CEP170: variants seen among roughly 807,000 people sequenced by gnomAD.
CEP170 encodes the protein centrosomal protein 170.
CEP170 carries 21 observed loss-of-function variants against 151.9 expected under a neutral mutation model. The observed-to-expected ratio is 0.14, with a 90% CI of 0.10 to 0.20. CEP170 has a LOEUF of 0.20. Among genes scored for constraint, CEP170 ranks in the 10% least tolerant of loss-of-function variants. The probability of loss-of-function intolerance (pLI) is 1.00; values close to 1 mark genes in which losing one functional copy is unlikely to be tolerated. For synonymous variants in CEP170, 356 were observed against 648.8 expected (o/e 0.55, Z 6.86); for missense variants, 964 against 1,892.9 (o/e 0.51, Z 9.11).
chr1:243,227,206 G>A (rs1458767533), intron 1 of CEP170, among the ~76,000 whole-genome samples: 1 of 151,878 alleles, frequency 6.6e-6, no homozygotes, highest in African/African-American at 2.4e-5. Context: ...GCTCATGATG[G>A]CAGAATCAAG....
intron 7 of CEP170, among the ~76,000 whole-genome samples, chr1:243,195,774 G>T (rs992008609): frequency 2.6e-5 from 4 of 152,008 alleles, no homozygotes; most frequent in African/African-American, 9.7e-5. Flanking sequence ...TACAATTTCT[G>T]CTGGCTTCAT....
At chr1:243,233,526 G>A (rs565031135) in intron 1 of CEP170, among the ~76,000 whole-genome samples, 6 of 151,910 alleles carry the variant, frequency 3.9e-5, no homozygotes, top group African/African-American at 1.5e-4. Flanking sequence ...GAGGTCAGGA[G>A]ATCAAGACCA....
At chr1:243,178,706 G>A (rs947936503) in intron 10 of CEP170, among the ~76,000 whole-genome samples, 1 of 151,852 alleles carries the variant, frequency 6.6e-6, no homozygotes, top group African/African-American at 2.4e-5. Flanking sequence ...TCTTTAAATG[G>A]GACTCTATCT....
At chr1:243,170,826 A>C (rs1345154436) in intron 11 of CEP170, among the ~76,000 whole-genome samples, 2 of 152,198 alleles carry the variant, frequency 1.3e-5, no homozygotes, top group East Asian at 1.9e-4. Context: ...AGAGAATGAC[A>C]CACATACAGT....
intron 2 of CEP170, among the ~76,000 whole-genome samples, chr1:243,222,831 A>T (rs2062936623): frequency 6.6e-6 from 1 of 152,234 alleles, no homozygotes; most frequent in Non-Finnish European, 1.5e-5. Flanking sequence ...AAGCAAATAC[A>T]GAGAGAATCA....
intron 16 of CEP170, among the ~76,000 whole-genome samples, 171 bp downstream of exon 16, chr1:243,139,766 A>G (rs910762220): frequency 5.3e-5 from 8 of 152,256 alleles, no homozygotes; most frequent in Admixed American, 1.3e-4. Context: ...ATTTTCGCTA[A>G]CCTCTAAGTG....
intron 4 of CEP170, among the ~76,000 whole-genome samples, chr1:243,202,626 T>C (rs2061129298): frequency 6.6e-6 from 1 of 152,048 alleles, no homozygotes; most frequent in Non-Finnish European, 1.5e-5. Flanking sequence ...AAGTTTTTCA[T>C]TCTTTTCTGA....
At chr1:243,132,589 T>C (rs1434969770) in intron 17 of CEP170, among the ~76,000 whole-genome samples, 1 of 152,242 alleles carries the variant, frequency 6.6e-6, no homozygotes, top group Non-Finnish European at 1.5e-5. Context: ...TTTTTATGCA[T>C]CCTTTTTTAA....
intron 1 of CEP170, among the ~76,000 whole-genome samples, chr1:243,239,610 C>G (rs1311931142): frequency 2.0e-5 from 3 of 152,172 alleles, no homozygotes; most frequent in African/African-American, 7.2e-5. Flanking sequence ...TATTCCATGT[C>G]CAACTGAATT....
At chr1:243,161,538 C>G (rs1015533888) in intron 13 of CEP170, among the ~76,000 whole-genome samples, 1 of 152,118 alleles carries the variant, frequency 6.6e-6, no homozygotes. Flanking sequence ...AGTGTGATCA[C>G]AGCTCACTGC....
intron 13 of CEP170, among the ~76,000 whole-genome samples, chr1:243,158,430 T>C (rs1193816523): frequency 6.6e-6 from 1 of 152,142 alleles, no homozygotes; most frequent in East Asian, 1.9e-4. Context: ...CTGCAGAACA[T>C]ATGAAAACGT....
At chr1:243,245,155 T>TCAA (rs1229853474) in intron 1 of CEP170, among the ~76,000 whole-genome samples, 1 of 152,130 alleles carries the variant, frequency 6.6e-6, no homozygotes, top group Non-Finnish European at 1.5e-5. Flanking sequence ...AATGTATGTG[T>TCAA]GCAAAAGGCA....
chr1:243,195,533 C>T (rs1471844817), intron 7 of CEP170, among the ~76,000 whole-genome samples: 1 of 151,884 alleles, frequency 6.6e-6, no homozygotes, highest in African/African-American at 2.4e-5. Flanking sequence ...TTAAAAATTA[C>T]TAGGTAGCAA....
At chr1:243,133,113 C>T (rs1188507872) in intron 17 of CEP170, among the ~76,000 whole-genome samples, 5 of 152,256 alleles carry the variant, frequency 3.3e-5, no homozygotes, top group Non-Finnish European at 1.5e-5. Flanking sequence ...TTTCACTTCA[C>T]ATAGCTTTTG....
At chr1:243,133,793 A>G (rs980308347) in intron 17 of CEP170, among the ~76,000 whole-genome samples, 3 of 152,218 alleles carry the variant, frequency 2.0e-5, no homozygotes, top group Non-Finnish European at 4.4e-5. Context: ...CTAGGGGAAA[A>G]CATGTACTAT....
At chr1:243,212,184 T>C (rs2061869925) in intron 3 of CEP170, among the ~76,000 whole-genome samples, 1 of 152,218 alleles carries the variant, frequency 6.6e-6, no homozygotes, top group African/African-American at 2.4e-5. Flanking sequence ...AACCCAGTGC[T>C]GCCAAGATGA....
At position 243,125,356 on chromosome 1, in the gene CEP170, A is replaced by G. The variant is rs1261170067; in HGVS notation, c.*1093T>C. On this transcript the variant is annotated 3_prime_UTR_variant, in exon 20 of 20. Transcript: ENST00000366542. ...TGCAGGGTCCTTATAAATGTGTAAG[A>G]CAGACAGCATTTACTATTGAGTCCT... The G allele has an allele frequency of 6.5e-6, 1 of 152,684 alleles. No individual in the cohort carries two copies. The highest frequency in any genetic ancestry group is 1.9e-4 in the East Asian group (1 of 5,206). 9.5% of individuals were successfully genotyped at this position (152,684 alleles called of 1,614,324 possible).
At chr1:243,171,472 A>AT (rs1380442886) in intron 11 of CEP170, among the ~76,000 whole-genome samples, 1 of 151,798 alleles carries the variant, frequency 6.6e-6, no homozygotes, top group Non-Finnish European at 1.5e-5. Flanking sequence ...CTTCTTTTAT[A>AT]TTTTTTCTTC....
intron 11 of CEP170, among the ~76,000 whole-genome samples, chr1:243,170,932 A>G (rs923723863): frequency 1.3e-5 from 2 of 152,270 alleles, no homozygotes; most frequent in Non-Finnish European, 2.9e-5. Flanking sequence ...AGGTGGTACC[A>G]GAGCCATGTG....
Sources: allele counts gnomAD v4.1 joint callset (sites outside exome capture counted in the v4.1 genomes callset), GRCh38; gene constraint gnomAD v4.1.1; transcripts MANE v1.5; gene names NCBI Gene and HGNC (gene_info 2026-07-23, HGNC 2026-07-21).